Variants in PLD5 observed in about 807,000 individuals in gnomAD.
The protein encoded by PLD5 is inactive phospholipase D5.
In PLD5, 36 loss-of-function variants were observed where a neutral mutation model predicts 61.1. The ratio of observed to expected loss-of-function variants is 0.59; its 90% CI spans 0.45 to 0.78. The LOEUF (loss-of-function observed/expected upper bound fraction) is 0.78, where lower values mean the gene tolerates loss of function less well. PLD5 is among the 30% of genes least tolerant of loss of function. The pLI is 0.00. For missense variants in PLD5, 515 were observed against 644.4 expected, an observed-to-expected ratio of 0.80 and a Z score of 2.17; for synonymous variants, 243 against 242.8, an observed-to-expected ratio of 1.00 and a Z score of -0.01.
At chr1:242,225,202 A>G (rs1670854345) in intron 4 of PLD5, among the ~76,000 whole-genome samples, 1 of 151,748 alleles carries the variant, frequency 6.6e-6, no homozygotes, top group Non-Finnish European at 1.5e-5. Context: ...CAAATAGCGC[A>G]TGTGAGACCC....
At chr1:242,409,321 T>C in intron 1 of PLD5, among the ~76,000 whole-genome samples, 1 of 152,140 alleles carries the variant, frequency 6.6e-6, no homozygotes, top group East Asian at 1.9e-4. Context: ...GGCAGGAAAT[T>C]GAACTAGATG....
In PLD5 at chr1:242,096,300, G is replaced by A. The variant is rs144066256; in HGVS notation, c.1354+4368C>T. Among the ~76,000 whole-genome samples the A allele has an allele frequency of 1.3e-4, 20 of 150,834 alleles. 1 individual carries two copies. The highest frequency in any genetic ancestry group is 2.4e-4 in the Non-Finnish European group (16 of 67,754). On this transcript the variant is annotated intron_variant, in intron 9 of 9. Coordinates refer to ENST00000536534, the MANE Select transcript of PLD5 (RefSeq NM_001372062.1). ...GCACCACCAGAAGGTCAGAAGTATC[G>A]ATCGATCGAAAGATCGATCTCTCTC...
chr1:242,381,253 A>T (rs1662258863), intron 1 of PLD5, among the ~76,000 whole-genome samples: 1 of 152,334 alleles, frequency 6.6e-6, no homozygotes, highest in Non-Finnish European at 1.5e-5. Context: ...TTGGAGGGAT[A>T]TGAATGGAGC....
At chr1:242,148,790 G>A (rs1664718919) in intron 5 of PLD5, among the ~76,000 whole-genome samples, 1 of 151,760 alleles carries the variant, frequency 6.6e-6, no homozygotes, top group Non-Finnish European at 1.5e-5. Context: ...TGGGAACATT[G>A]ATTTTTGTCT....
At chr1:242,476,467 G>A (rs1667600935) in intron 1 of PLD5, among the ~76,000 whole-genome samples, 1 of 152,132 alleles carries the variant, frequency 6.6e-6, no homozygotes, top group African/African-American at 2.4e-5. Flanking sequence ...TTTTTTCTAG[G>A]ATTATTGAAT....
At chr1:242,264,478 C>A (rs181279360) in intron 4 of PLD5, among the ~76,000 whole-genome samples, 24 of 152,238 alleles carry the variant, frequency 1.6e-4, no homozygotes, top group African/African-American at 4.8e-4. Context: ...TTATTTGATT[C>A]CTGTTCTGTT....
intron 4 of PLD5, among the ~76,000 whole-genome samples, chr1:242,233,980 A>G (rs1269998501): frequency 1.3e-5 from 2 of 152,220 alleles, no homozygotes; most frequent in Non-Finnish European, 2.9e-5. Context: ...ATTAAACTGT[A>G]AAGATGGTTC....
chr1:242,432,382 C>T (rs1394062), intron 1 of PLD5, among the ~76,000 whole-genome samples: 1 of 152,156 alleles, frequency 6.6e-6, no homozygotes, highest in Non-Finnish European at 1.5e-5. Context: ...AGGCTACAGG[C>T]GAGGCTGCCA....
intron 8 of PLD5, among the ~76,000 whole-genome samples, chr1:242,102,014 T>C (rs1332287518): frequency 6.6e-6 from 1 of 152,228 alleles, no homozygotes; most frequent in Non-Finnish European, 1.5e-5. Context: ...CCTCAGTTCC[T>C]GTCTTCTGTA....
At chr1:242,097,805 A>G (rs1660365924) in intron 9 of PLD5, among the ~76,000 whole-genome samples, 1 of 152,122 alleles carries the variant, frequency 6.6e-6, no homozygotes, top group Non-Finnish European at 1.5e-5. Context: ...GGTGTTTTAG[A>G]CATGAAGTCC....
chr1:242,144,233 C>A (rs928500257), intron 5 of PLD5, among the ~76,000 whole-genome samples: 3 of 143,854 alleles, frequency 2.1e-5, no homozygotes, highest in Non-Finnish European at 4.5e-5. Context: ...TGGGAGCCAC[C>A]ACACCCAGCC....
chr1:242,500,575 T>G (rs1235026870), intron 1 of PLD5, among the ~76,000 whole-genome samples: 1 of 152,164 alleles, frequency 6.6e-6, no homozygotes, highest in Non-Finnish European at 1.5e-5. Context: ...GCAAGAAAGA[T>G]GTGACGGTTG....
chr1:242,106,781 C>A (rs1661089488), intron 8 of PLD5, among the ~76,000 whole-genome samples: 1 of 152,118 alleles, frequency 6.6e-6, no homozygotes, highest in South Asian at 2.1e-4. Context: ...AGAGAGCCTG[C>A]CACAGGCCAG....
chr1:242,268,894 G>A (rs183946345), intron 3 of PLD5, among the ~76,000 whole-genome samples: 1 of 152,080 alleles, frequency 6.6e-6, no homozygotes, highest in Admixed American at 6.5e-5. Flanking sequence ...CCAGACTGGG[G>A]TGCAGTGATG....
At chr1:242,432,714 C>T (rs1665785015) in intron 1 of PLD5, among the ~76,000 whole-genome samples, 1 of 152,102 alleles carries the variant, frequency 6.6e-6, no homozygotes, top group South Asian at 2.1e-4. Context: ...TAGGCACCAT[C>T]GCCACCCTCT....
chr1:242,429,733 T>C (rs1294827333), intron 1 of PLD5, among the ~76,000 whole-genome samples: 2 of 152,370 alleles, frequency 1.3e-5, no homozygotes, highest in East Asian at 3.9e-4. Flanking sequence ...ACTCCTTCTG[T>C]GGGTTTAAAT....
At chr1:242,371,665 A>G (rs1375616195) in intron 1 of PLD5, among the ~76,000 whole-genome samples, 4 of 151,924 alleles carry the variant, frequency 2.6e-5, no homozygotes, top group Admixed American at 1.3e-4. Flanking sequence ...TCAATGCCCA[A>G]TCCAGGGCAG....
At position 242,480,140 on chromosome 1, in the gene PLD5, G is replaced by A. The variant is rs1248894916; in HGVS notation, c.189+43948C>T. On this transcript the variant is annotated intron_variant, in intron 1 of 9. Transcript: ENST00000536534. ...TTCAAACTGCAGTAATTAAGATAAT[G>A]TGGTACTGGCATAAGGATGGCATAT... is the stretch of plus-strand genomic sequence containing the variant. 3.9e-5 allele frequency among the ~76,000 whole-genome samples: 6 copies of A among 152,100 alleles called. No homozygotes were observed. The East Asian group carries it at 1.2e-3, about 29-fold the overall frequency.
intron 1 of PLD5, among the ~76,000 whole-genome samples, chr1:242,459,949 C>T (rs12404584): frequency 0.44 from 66,972 of 152,000 alleles, 16,422 homozygotes; most frequent in African/African-American, 0.67. Flanking sequence ...TACTCCCTTC[C>T]GAGAATTTCT....
Sources: gnomAD v4.1 joint callset for allele counts (sites outside exome capture counted in the v4.1 genomes callset) on GRCh38, gnomAD v4.1.1 for gene constraint, MANE v1.5 for transcripts, NCBI Gene and HGNC (gene_info 2026-07-23, HGNC 2026-07-21) for gene names.